Variants in NEURL1 observed in about 807,000 individuals in gnomAD.
NEURL1 encodes E3 ubiquitin-protein ligase NEURL1.
NEURL1 carries 26 observed loss-of-function variants against 41.2 expected under a neutral mutation model. The ratio of observed to expected loss-of-function variants is 0.63; its 90% CI spans 0.46 to 0.87. The LOEUF is 0.87. Among genes scored for constraint, NEURL1 ranks in the 40% least tolerant of loss-of-function variants. The pLI is 0.00. For missense variants in NEURL1, 761 were observed against 871.1 expected, an observed-to-expected ratio of 0.87 and a Z score of 1.59; for synonymous variants, 400 against 402.3, an observed-to-expected ratio of 0.99 and a Z score of 0.07.
intron 1 of NEURL1, among the ~76,000 whole-genome samples, chr10:103,524,433 G>A (rs145406094): frequency 2.8e-4 from 43 of 152,250 alleles, no homozygotes; most frequent in African/African-American, 1.0e-3. Flanking sequence ...TTGCTGTGCA[G>A]AAACATTTTA....
intron 1 of NEURL1, among the ~76,000 whole-genome samples, chr10:103,501,028 G>A (rs1306375131): frequency 2.6e-5 from 4 of 152,290 alleles, no homozygotes; most frequent in Middle Eastern, 3.4e-3. Context: ...TTGGTGAGTG[G>A]GCTGGCAGCA....
chr10:103,537,708 A>T (rs1038831424), intron 1 of NEURL1, among the ~76,000 whole-genome samples: 1 of 152,150 alleles, frequency 6.6e-6, no homozygotes, highest in African/African-American at 2.4e-5. Flanking sequence ...CTTACATTTA[A>T]TAGGTTTTAA....
At chr10:103,499,671 G>A (rs991005035) in intron 1 of NEURL1, among the ~76,000 whole-genome samples, 1 of 151,872 alleles carries the variant, frequency 6.6e-6, no homozygotes, top group African/African-American at 2.4e-5. Context: ...ATCTTGCCAT[G>A]TTGCCCAGGA....
intron 1 of NEURL1, among the ~76,000 whole-genome samples, chr10:103,567,199 G>A (rs1215253020): frequency 6.6e-6 from 1 of 151,986 alleles, no homozygotes; most frequent in Non-Finnish European, 1.5e-5. Context: ...GGCCAGGCTG[G>A]TCTCGAACTC....
intron 1 of NEURL1, among the ~76,000 whole-genome samples, chr10:103,506,273 G>A (rs774260980): frequency 1.3e-5 from 2 of 152,234 alleles, no homozygotes; most frequent in Non-Finnish European, 2.9e-5. Flanking sequence ...TCCAGAGTAT[G>A]TGTGTCCAAG....
chr10:103,559,920 C>T (rs2035249866), intron 1 of NEURL1, among the ~76,000 whole-genome samples: 2 of 151,830 alleles, frequency 1.3e-5, no homozygotes, highest in African/African-American at 4.8e-5. Flanking sequence ...CACACACATG[C>T]ACACACATAT....
At chr10:103,533,169 C>T (rs542386445) in intron 1 of NEURL1, among the ~76,000 whole-genome samples, 1 of 151,968 alleles carries the variant, frequency 6.6e-6, no homozygotes, top group Non-Finnish European at 1.5e-5. Flanking sequence ...CCTCATGATC[C>T]ACCCGCCTTG....
chr10:103,512,469 C>T (rs994109198), intron 1 of NEURL1, among the ~76,000 whole-genome samples: 6 of 152,182 alleles, frequency 3.9e-5, no homozygotes, highest in Admixed American at 3.3e-4. Flanking sequence ...GGGCAGGGCA[C>T]TTCTCTGTCC....
intron 1 of NEURL1, among the ~76,000 whole-genome samples, chr10:103,512,702 G>T (rs1376128138): frequency 6.6e-6 from 1 of 152,156 alleles, no homozygotes; most frequent in Non-Finnish European, 1.5e-5. Flanking sequence ...GGGTTGGGCT[G>T]GGCTCAAGGG....
At chr10:103,512,080 C>T (rs1016828150) in intron 1 of NEURL1, 6 of 152,144 alleles carry the variant, frequency 3.9e-5, no homozygotes, top group African/African-American at 1.2e-4. Context: ...TTTGGGTGCT[C>T]TTTAGGTGTC....
intron 1 of NEURL1, among the ~76,000 whole-genome samples, chr10:103,551,854 G>A (rs1277524138): frequency 2.0e-5 from 3 of 152,130 alleles, no homozygotes; most frequent in Admixed American, 6.5e-5. Context: ...GGGGCCACTC[G>A]GGCCACCTCC....
intron 1 of NEURL1, among the ~76,000 whole-genome samples, chr10:103,502,441 G>A (rs1042535774): frequency 2.0e-5 from 3 of 152,124 alleles, no homozygotes; most frequent in Non-Finnish European, 4.4e-5. Flanking sequence ...GCCTCACATG[G>A]CCTGTCCTTG....
In NEURL1 at chr10:103,494,308, G is replaced by C; in HGVS notation, c.-80G>C. 8.2e-7 allele frequency: 1 copy of C among 1,213,990 alleles called. No individual in the cohort carries two copies. The highest frequency in any genetic ancestry group is 1.1e-6 in the Non-Finnish European group (1 of 879,076). The allele number at this position is 1,213,990 out of a possible 1,614,324, so 75.2% of individuals were successfully genotyped here. ...CCCCCGGTGGCGCGCACCCGCGCGC[G>C]CACACTCGCACACCGCACCTCAGCG... On this transcript the variant is annotated 5_prime_UTR_variant, in exon 1 of 6. Transcript: ENST00000369780.
At chr10:103,540,289 CT>C (rs3976809) in intron 1 of NEURL1, among the ~76,000 whole-genome samples, 7 of 151,314 alleles carry the variant, frequency 4.6e-5, no homozygotes, top group Non-Finnish European at 1.0e-4. Context: ...TATTTTCAGA[CT>C]TTTTTTTTAA....
chr10:103,584,855 C>T lies in NEURL1; in HGVS notation c.969C>T (p.Arg323=). 7.1e-7 allele frequency: 1 copy of T among 1,402,436 alleles called. No individual in the cohort carries two copies. The highest frequency in any genetic ancestry group is 9.2e-7 in the Non-Finnish European group (1 of 1,087,122). The allele number at this position is 1,402,436 out of a possible 1,614,324, so 86.9% of individuals were successfully genotyped here. ...VARVEHGRDE[R]ALVFTSRPVR... ...GCGTGGAGCACGGGCGCGACGAGCG[C>T]GCGCTCGTCTTCACCAGCCGGCCCG... The change falls in exon 4 of 6, where the codon CGC becomes CGT. Residue 323 remains arginine (R), a synonymous_variant. Coordinates refer to ENST00000369780, the MANE Select transcript of NEURL1 (RefSeq NM_004210.5).
At chr10:103,535,735 G>C (rs1344133082) in intron 1 of NEURL1, among the ~76,000 whole-genome samples, 2 of 152,144 alleles carry the variant, frequency 1.3e-5, no homozygotes, top group African/African-American at 4.8e-5. Context: ...GGGGTAGATG[G>C]AGTGGCTCTA....
intron 1 of NEURL1, chr10:103,517,411 C>G (rs72848953): frequency 0.17 from 26,075 of 152,098 alleles, 2,864 homozygotes; most frequent in Non-Finnish European, 0.25. Flanking sequence ...TACTGTGTAC[C>G]AGGCCCTGAG....
At chr10:103,537,622 G>A (rs2034720914) in intron 1 of NEURL1, among the ~76,000 whole-genome samples, 1 of 152,170 alleles carries the variant, frequency 6.6e-6, no homozygotes, top group African/African-American at 2.4e-5. Context: ...TTGAACTCCT[G>A]AGTTCAAGCG....
At chr10:103,555,176 G>C in intron 1 of NEURL1, 3 of 387,726 alleles carry the variant, frequency 7.7e-6, no homozygotes, top group Non-Finnish European at 1.1e-5. Context: ...CGTGTGGCCG[G>C]CTGGCCGCGG....
Sources: gnomAD v4.1 joint callset for allele counts (sites outside exome capture counted in the v4.1 genomes callset) on GRCh38, gnomAD v4.1.1 for gene constraint, MANE v1.5 for transcripts, NCBI Gene and HGNC (gene_info 2026-07-23, HGNC 2026-07-21) for gene names.